Variants in CYP27C1 observed in about 807,000 individuals in gnomAD.
CYP27C1 encodes the protein cytochrome P450 family 27 subfamily C member 1, also known as cytochrome P450 27C1.
CYP27C1 carries 29 observed loss-of-function variants against 40.6 expected under a neutral mutation model. The observed-to-expected ratio is 0.71, with a 90% CI of 0.53 to 0.97. The LOEUF (loss-of-function observed/expected upper bound fraction) is 0.97. Ranked by LOEUF, CYP27C1 falls within the 50% of genes least tolerant of loss-of-function variation. CYP27C1 has a pLI of 0.00. For synonymous variants in CYP27C1, 198 were observed against 186.8 expected (o/e 1.06, Z -0.49); for missense variants, 390 against 485.8 (o/e 0.80, Z 1.85).
chr2:127,205,156 C>CT (rs1160672612), intron 2 of CYP27C1, among the ~76,000 whole-genome samples: 1 of 152,258 alleles, frequency 6.6e-6, no homozygotes, highest in African/African-American at 2.4e-5. Context: ...ATTCGGGCCC[C>CT]TCTAGGCCTG....
Position 127,211,369 on chromosome 2 carries a change from G to GTTTTTTT in CYP27C1, c.283-5286_283-5280dup, listed in dbSNP as rs371826841. Reference sequence around the variant, plus strand: ...GATACAGCTAAAGCAGTGTTTTTTTGTTTTTTTTTTTTTTTTTTTTTTTTT... The same window carrying GTTTTTTT: ...GATACAGCTAAAGCAGTGTTTTTTTGTTTTTTTTTTTTTTTTTTTTTTTTTTTTTTTT... On this transcript the variant is annotated intron_variant, in intron 1 of 8. Transcript: ENST00000664447. Among the ~76,000 whole-genome samples the GTTTTTTT allele has an allele frequency of 1.6e-3, 154 of 94,968 alleles. 2 individuals carry two copies. The highest frequency in any genetic ancestry group is 3.5e-3 in the African/African-American group (82 of 23,308). 62.3% of individuals were successfully genotyped at this position (94,968 alleles called of 152,430 possible). A position where few individuals can be genotyped will look rare whatever the true frequency, so the allele number is the denominator to read the frequency against.
In CYP27C1 at chr2:127,193,413, C is replaced by T. The variant is rs902327261; in HGVS notation, c.1294-116G>A. ...GGGGTGCTCCCGCCTGGGGGCCGCC[C>T]GGGTCCACTCACACCCAGGATGGCA... On this transcript the variant is annotated intron_variant, in intron 7 of 8. Coordinates refer to ENST00000664447, the MANE Select transcript of CYP27C1 (RefSeq NM_001367502.1). The T allele has an allele frequency of 4.2e-6, 5 of 1,200,896 alleles. No homozygotes were observed. The African/African-American group carries it at 7.6e-5, about 18-fold the overall frequency. 74.4% of individuals were successfully genotyped at this position (1,200,896 alleles called of 1,614,324 possible).
intron 8 of CYP27C1, among the ~76,000 whole-genome samples, chr2:127,189,986 T>C (rs1156338774): frequency 6.6e-6 from 1 of 152,222 alleles, no homozygotes; most frequent in Non-Finnish European, 1.5e-5. Context: ...AGACTTCCTT[T>C]TTCTATTCTC....
In CYP27C1 at chr2:127,199,385, G is replaced by A. The variant is rs563969539; in HGVS notation, c.1038C>T (p.Gly346=). ...GGACCCCCAGACTCACCGTGTCGAC[G>A]CCGGCCAGCAGCATCTCAGTCACGT... ...YANVTEMLLA[G]VDTTSFTLSW... is the part of the protein sequence containing the mutation. Residue 346 remains glycine, a synonymous_variant, in exon 5 of 9, where the codon GGC becomes GGT. Coordinates refer to ENST00000664447, the MANE Select transcript of CYP27C1 (RefSeq NM_001367502.1). 37 of 1,613,958 alleles carry A rather than the reference G, an allele frequency of 2.3e-5. No homozygotes were observed. Among genetic ancestry groups the A allele is most frequent in the East Asian group, 6.7e-5 (3 of 44,868 alleles).
intron 8 of CYP27C1, among the ~76,000 whole-genome samples, chr2:127,190,869 C>T (rs1376565150): frequency 6.7e-6 from 1 of 150,362 alleles, no homozygotes; most frequent in African/African-American, 2.5e-5. Context: ...ATCGCTTGAA[C>T]CCGGGAGACA....
chr2:127,187,481 G>A, intron 8 of CYP27C1, 94 bp from the exon 9 acceptor site: 4 of 1,117,190 alleles, frequency 3.6e-6, no homozygotes, highest in Non-Finnish European at 5.3e-6. Flanking sequence ...TGGCGGCACT[G>A]GGCTGCAGAG....
rs1291647579 is a variant in CYP27C1 at position 127,218,766 on chromosome 2, G to C, written c.282+1223C>G. Reference sequence around the variant, plus strand: ...GACAGGCCTGGGTGGGAGGAGAAGGGGGCGTTCTCGGAAGACACCAAAAGC... The same window carrying C: ...GACAGGCCTGGGTGGGAGGAGAAGGCGGCGTTCTCGGAAGACACCAAAAGC... On this transcript the variant is annotated intron_variant, in intron 1 of 8. Coordinates refer to ENST00000664447, the MANE Select transcript of CYP27C1 (RefSeq NM_001367502.1). The surrounding 1 kb of genome is among the most constrained non-coding windows in gnomAD (Gnocchi z 6.0). 6.6e-6 allele frequency among the ~76,000 whole-genome samples: 1 copy of C among 152,206 alleles called. No homozygotes were observed. The highest frequency in any genetic ancestry group is 2.4e-5 in the African/African-American group (1 of 41,448).
Position 127,199,477 on chromosome 2 carries a change from C to A in CYP27C1, c.946G>T (p.Val316Leu). The A allele has an allele frequency of 6.2e-7, 1 of 1,614,226 alleles. No individual in the cohort carries two copies. Among genetic ancestry groups the A allele is most frequent in the Non-Finnish European group, 8.5e-7 (1 of 1,180,026 alleles). The change falls in exon 5 of 9, where the codon GTG (valine) becomes TTG (leucine). Residue 316 changes from valine (V) to leucine (L), a missense_variant. Transcript: ENST00000664447. ...IQYQMDRGRR[V>L]SGGLLTYLFL... ...AGGTATGTGAGAAGTCCCCCGCTCA[C>A]CCTCCGGCCTCGGTCCATTTGGTAC...
chr2:127,209,520 G>A lies in CYP27C1; in HGVS notation c.283-3430C>T, dbSNP rs559393833. On this transcript the variant is annotated intron_variant, in intron 1 of 8. Coordinates refer to ENST00000664447, the MANE Select transcript of CYP27C1 (RefSeq NM_001367502.1). This position sits in a 1 kb window ranked among gnomAD's most constrained non-coding sequence, Gnocchi z 4.1. ...GAACTGGATGGAGGATCAGATGGACGAATTGACAGAAGTACACTTCAGAAG... is the reference window on the plus strand; with the variant it reads ...GAACTGGATGGAGGATCAGATGGACAAATTGACAGAAGTACACTTCAGAAG... 6.6e-5 allele frequency among the ~76,000 whole-genome samples: 10 copies of A among 152,274 alleles called. No homozygotes were observed. The East Asian group carries it at 1.7e-3, about 26-fold the overall frequency.
At chr2:127,199,680 C>CA in intron 4 of CYP27C1, 141 bp from the exon 5 acceptor site, 1 of 767,384 alleles carries the variant, frequency 1.3e-6, no homozygotes, top group Non-Finnish European at 2.0e-6. Flanking sequence ...TATCTAACGT[C>CA]AACCTGGGAG....
intron 1 of CYP27C1, among the ~76,000 whole-genome samples, chr2:127,217,349 T>A (rs1253704694): frequency 6.6e-6 from 1 of 152,210 alleles, no homozygotes; most frequent in African/African-American, 2.4e-5. Flanking sequence ...AGAAATAAGT[T>A]TCACGTAAGA....
In CYP27C1 at chr2:127,187,222, T is replaced by A; in HGVS notation, c.*49A>T. The A allele has an allele frequency of 6.9e-7, 1 of 1,450,908 alleles. No individual in the cohort carries two copies. The allele number at this position is 1,450,908 out of a possible 1,614,324, so 89.9% of individuals were successfully genotyped here. A position where few individuals can be genotyped will look rare whatever the true frequency, so the allele number is the denominator to read the frequency against. On this transcript the variant is annotated 3_prime_UTR_variant, in exon 9 of 9. Coordinates refer to ENST00000664447, the MANE Select transcript of CYP27C1 (RefSeq NM_001367502.1). ...GATCAGCGAACACAAATACCCACTG[T>A]GTGTCGGCGAGCTGGTCTGCTACAT... is the stretch of plus-strand genomic sequence containing the variant.
At chr2:127,216,643 T>A (rs1683436172) in intron 1 of CYP27C1, among the ~76,000 whole-genome samples, 1 of 152,184 alleles carries the variant, frequency 6.6e-6, no homozygotes, top group African/African-American at 2.4e-5. Context: ...GTTGTATACT[T>A]CAAATGGATG....
At chr2:127,194,324 GCTT>G (rs1048835837) in intron 6 of CYP27C1, among the ~76,000 whole-genome samples, 71 of 152,092 alleles carry the variant, frequency 4.7e-4, no homozygotes, top group African/African-American at 1.5e-3. Flanking sequence ...ACAGCCAGCT[GCTT>G]CTTTTTTTTT....
rs931183422 is a variant in CYP27C1 at position 127,187,559 on chromosome 2, C to T, written c.1498-172G>A. Among the ~76,000 whole-genome samples, 1 of 152,138 alleles carries T rather than the reference C, an allele frequency of 6.6e-6. No individual in the cohort carries two copies. Among genetic ancestry groups the T allele is most frequent in the Non-Finnish European group, 1.5e-5 (1 of 68,038 alleles). ...AGAACCTCCAGGTCAGTGGGAAGCC[C>T]GCTGTTTGGAAACAGAACTTTAGAT... On this transcript the variant is annotated intron_variant, in intron 8 of 8. Transcript: ENST00000664447.
Position 127,195,391 on chromosome 2 carries a change from A to C in CYP27C1, c.1158T>G (p.Thr386=). The change falls in exon 6 of 9, where the codon ACT becomes ACG. Residue 386 remains threonine (T), a synonymous_variant. Transcript: ENST00000664447. This position sits in a 1 kb window ranked among gnomAD's most constrained non-coding sequence, Gnocchi z 6.2. ...VKNLGERHVP[T]AADVPKVPLV... is the part of the protein sequence containing the mutation. ...GCGGGACCTTGGGGACATCAGCTGC[A>C]GTTGGAACATGCCTTTCCCCTAAAT... 1 of 1,614,154 alleles carries C rather than the reference A, an allele frequency of 6.2e-7. No individual in the cohort carries two copies. The highest frequency in any genetic ancestry group is 8.5e-7 in the Non-Finnish European group (1 of 1,180,036).
Position 127,199,708 on chromosome 2 carries a change from C to T in CYP27C1, c.884-169G>A, listed in dbSNP as rs113457156. On this transcript the variant is annotated intron_variant, in intron 4 of 8. Transcript: ENST00000664447. ...CCTGGGAGTTTCACTCATACACTTG[C>T]TTATGTAAATGAATGAAAAGTTAAA... Among the ~76,000 whole-genome samples the T allele has an allele frequency of 9.4e-3, 1,436 of 152,260 alleles. 14 individuals are homozygous for T. The highest frequency in any genetic ancestry group is 0.033 in the African/African-American group (1,369 of 41,526).
chr2:127,187,149 G>T lies in CYP27C1; in HGVS notation c.*122C>A. ...AAGTGTCCCAGGACCTGGGAGGCCA[G>T]TCTATAACAAGACAGCCTTTAGCGA... is the stretch of plus-strand genomic sequence containing the variant. On this transcript the variant is annotated 3_prime_UTR_variant, in exon 9 of 9. Coordinates refer to ENST00000664447, the MANE Select transcript of CYP27C1 (RefSeq NM_001367502.1). 3 of 801,106 alleles carry T rather than the reference G, an allele frequency of 3.7e-6. No individual in the cohort carries two copies. Among genetic ancestry groups the T allele is most frequent in the Non-Finnish European group, 4.2e-6 (2 of 477,044 alleles). The allele number at this position is 801,106 out of a possible 1,614,324, so 49.6% of individuals were successfully genotyped here.
rs999690666 is a variant in CYP27C1, at chr2:127,186,848, G to T, written c.*423C>A. 8.3e-5 allele frequency: 13 copies of T among 156,052 alleles called. No homozygotes were observed. Among genetic ancestry groups the T allele is most frequent in the Admixed American group, 1.3e-4 (2 of 15,870 alleles). 9.7% of individuals were successfully genotyped at this position (156,052 alleles called of 1,614,324 possible). ...AAATTAGAAACAGTAAGTTGAAATTGCCTTCAACTTACTGTTGATGGCAAT... is the reference window on the plus strand; with the variant it reads ...AAATTAGAAACAGTAAGTTGAAATTTCCTTCAACTTACTGTTGATGGCAAT... On this transcript the variant is annotated 3_prime_UTR_variant, in exon 9 of 9. Transcript: ENST00000664447. The surrounding 1 kb of genome is among the most constrained non-coding windows in gnomAD (Gnocchi z 4.5).
Sources: allele counts gnomAD v4.1 joint callset (sites outside exome capture counted in the v4.1 genomes callset), GRCh38; gene constraint gnomAD v4.1.1; non-coding constraint Gnocchi (gnomAD v3.1); transcripts MANE v1.5; gene names NCBI Gene and HGNC (gene_info 2026-07-23, HGNC 2026-07-21).